CHRNB1: variants seen among roughly 807,000 people sequenced by gnomAD.
CHRNB1 encodes cholinergic receptor nicotinic beta 1 subunit.
A neutral mutation model predicts 53.8 loss-of-function variants in CHRNB1; 47 were observed. That is an observed-to-expected ratio of 0.87 (90% CI 0.69 to 1.11). The LOEUF (loss-of-function observed/expected upper bound fraction) is 1.11, where lower values mean the gene tolerates loss of function less well. Among genes scored for constraint, CHRNB1 ranks in the 50% most tolerant of loss-of-function variants. The pLI is 0.00. For synonymous variants in CHRNB1, 259 were observed against 263.5 expected, an observed-to-expected ratio of 0.98 and a Z score of 0.16; for missense variants, 605 against 654.9, an observed-to-expected ratio of 0.92 and a Z score of 0.83.
intron 7 of CHRNB1, 43 bp downstream of exon 7, chr17:7,448,831 G>C (rs963581534): frequency 5.7e-6 from 9 of 1,588,970 alleles, no homozygotes; most frequent in Non-Finnish European, 7.8e-6. Context: ...CATTGGCTCA[G>C]CTTCTTACTC....
rs1466015135 is a variant in CHRNB1, at chr17:7,454,259, C to A, written c.821-38C>A. 3.3e-6 allele frequency: 5 copies of A among 1,530,384 alleles called. No individual in the cohort carries two copies. The East Asian group carries it at 6.7e-5, about 21-fold the overall frequency. 94.8% of individuals were successfully genotyped at this position (1,530,384 alleles called of 1,614,324 possible). On this transcript the variant is annotated intron_variant, in intron 7 of 10. Coordinates refer to ENST00000306071, the MANE Select transcript of CHRNB1 (RefSeq NM_000747.3). ...TTATGCCATAGAGCTTTCCTTCAGG[C>A]AAGTCTAATCCTTCTCTCTTCCCCT...
Position 7,445,280 on chromosome 17 carries a change from C to A in CHRNB1, c.69C>A (p.Gly23=), listed in dbSNP as rs1320159736. The A allele has an allele frequency of 6.2e-7, 1 of 1,612,806 alleles. No individual in the cohort carries two copies. Among genetic ancestry groups the A allele is most frequent in the Non-Finnish European group, 8.5e-7 (1 of 1,179,740 alleles). Residue 23 remains glycine, a synonymous_variant, in exon 2 of 11, where the codon GGC becomes GGA. Transcript: ENST00000306071. This position sits in a 1 kb window ranked among gnomAD's most constrained non-coding sequence, Gnocchi z 5.7. ...LGAPLAPGVR[G]SEAEGRLREK... ...TCTCTCCTCCCCCAGGCGTCCGCGGCTCGGAGGCGGAGGGTCGACTCCGGG... is the reference window on the plus strand; with the variant it reads ...TCTCTCCTCCCCCAGGCGTCCGCGGATCGGAGGCGGAGGGTCGACTCCGGG...
chr17:7,456,216 G>A (rs1399417135), intron 10 of CHRNB1, among the ~76,000 whole-genome samples: 3 of 151,916 alleles, frequency 2.0e-5, no homozygotes, highest in Non-Finnish European at 2.9e-5. Flanking sequence ...ACCACGCCTG[G>A]CTAATTTTTG....
intron 8 of CHRNB1, 84 bp downstream of exon 8, chr17:7,454,604 T>A: frequency 9.1e-7 from 1 of 1,098,684 alleles, no homozygotes; most frequent in South Asian, 1.3e-5. Flanking sequence ...AGTGTTGAAG[T>A]GTCCAAGCTT....
intron 7 of CHRNB1, among the ~76,000 whole-genome samples, chr17:7,453,019 G>A (rs944123219): frequency 3.3e-5 from 5 of 152,194 alleles, no homozygotes; most frequent in African/African-American, 1.2e-4. Flanking sequence ...GTGAGAGTCT[G>A]TCTAAAAATA....
chr17:7,446,205 G>T (rs2150837558), intron 3 of CHRNB1, 92 bp downstream of exon 3: 1 of 1,116,410 alleles, frequency 9.0e-7, no homozygotes, highest in South Asian at 1.3e-5. Flanking sequence ...TTTACATCAT[G>T]ACTTTAGATA....
chr17:7,454,519 A>G lies in CHRNB1; in HGVS notation c.1043A>G (p.Gln348Arg). Residue 348 changes from glutamine (Q) to arginine (R), a missense_variant and splice_region_variant, in exon 8 of 11, where the codon CAG (glutamine) becomes CGG (arginine). Physicochemically the swap from Gln to Arg is conservative, Grantham distance 43. Transcript: ENST00000306071. ...HTHQMPLWVR[Q>R]IFIHKLPLYL... is the part of the protein sequence containing the mutation. ...CACCAAATGCCCCTTTGGGTCCGTC[A>G]GGTAAGAAAGATCTCCTCCTCCAAC... 6.2e-7 allele frequency: 1 copy of G among 1,613,606 alleles called. No individual in the cohort carries two copies. Among genetic ancestry groups the G allele is most frequent in the Non-Finnish European group, 8.5e-7 (1 of 1,179,542 alleles).
rs745838344 is a variant in CHRNB1 at position 7,446,878 on chromosome 17, G to A, written c.289G>A (p.Gly97Ser). 6.8e-6 allele frequency: 11 copies of A among 1,614,036 alleles called. No homozygotes were observed. Among genetic ancestry groups the A allele is most frequent in the Non-Finnish European group, 8.5e-6 (10 of 1,180,026 alleles). Residue 97 changes from glycine to serine, a missense_variant, in exon 4 of 11, where the codon GGC becomes AGC. By Grantham distance (56) the Gly-to-Ser change is moderately conservative (BLOSUM62 0). Transcript: ENST00000306071. ...GAGCTGGGACCCTGCGGAGCACGACGGCATCGATTCGCTCCGCATCACGGC... is the reference window on the plus strand; with the variant it reads ...GAGCTGGGACCCTGCGGAGCACGACAGCATCGATTCGCTCCGCATCACGGC... ...RLSWDPAEHD[G>S]IDSLRITAES...
chr17:7,455,588 C>A lies in CHRNB1; in HGVS notation c.1217+132C>A, dbSNP rs142367311. The A allele has an allele frequency of 2.6e-4, 337 of 1,279,772 alleles. 4 individuals are homozygous for A. In the East Asian group the frequency reaches 6.2e-3, roughly 24 times the overall value. The allele number at this position is 1,279,772 out of a possible 1,614,324, so 79.3% of individuals were successfully genotyped here. A position where few individuals can be genotyped will look rare whatever the true frequency, so the allele number is the denominator to read the frequency against. On this transcript the variant is annotated intron_variant, in intron 9 of 10. Transcript: ENST00000306071. ...CATCATGGGAGTTGTAGTACTCCTG[C>A]TGCTCACTTTGAGGGGAGGTGGGAA...
chr17:7,446,438 C>T (rs779487092), intron 3 of CHRNB1: 3 of 526,728 alleles, frequency 5.7e-6, no homozygotes, highest in Non-Finnish European at 6.8e-6. Context: ...CCACCAGCCT[C>T]GGGGGGAACC....
intron 3 of CHRNB1, 119 bp from the exon 4 acceptor site, chr17:7,446,714 C>A: frequency 2.6e-6 from 2 of 761,148 alleles, no homozygotes; most frequent in East Asian, 2.7e-5. Flanking sequence ...GCCCCTTGAC[C>A]CACAGTTTAT....
At position 7,447,628 on chromosome 17, in the gene CHRNB1, C is replaced by G. The variant is rs1273988481; in HGVS notation, c.588C>G (p.His196Gln). 4 of 1,614,222 alleles carry G rather than the reference C, an allele frequency of 2.5e-6. No homozygotes were observed. The highest frequency in any genetic ancestry group is 3.4e-6 in the Non-Finnish European group (4 of 1,180,050). The stretch of plus-strand genomic sequence containing the variant: ...ACGGGCAAGGGCATCAGGAAATCCA[C>G]ATTCATGAAGGGACTTTCATTGGTG... ...GPDGQGHQEI[H>Q]IHEGTFIENG... Residue 196 changes from histidine (H) to glutamine (Q), a missense_variant, in exon 6 of 11, where the codon CAC becomes CAG. Physicochemically the swap from His to Gln is conservative, Grantham distance 24. Coordinates refer to ENST00000306071, the MANE Select transcript of CHRNB1 (RefSeq NM_000747.3).
intron 8 of CHRNB1, among the ~76,000 whole-genome samples, chr17:7,454,791 T>G (rs1909013377): frequency 1.5e-5 from 2 of 136,320 alleles, no homozygotes; most frequent in Admixed American, 7.8e-5. Flanking sequence ...ACCCACTAAA[T>G]AGCTTTTTTT....
Position 7,455,295 on chromosome 17 carries a change from C to A in CHRNB1, c.1056C>A (p.His352Gln). Residue 352 changes from histidine to glutamine, a missense_variant, in exon 9 of 11, where the codon CAC becomes CAA. Physicochemically the swap from His to Gln is conservative, Grantham distance 24 (BLOSUM62 0). Transcript: ENST00000306071. ...CTTCTACTCTGCAGATCTTCATTCA[C>A]AAACTTCCGCTGTACCTGCGTCTAA... ...MPLWVRQIFIHKLPLYLRLKR... is the reference protein window; with the variant it reads ...MPLWVRQIFIQKLPLYLRLKR... 6.2e-7 allele frequency: 1 copy of A among 1,614,108 alleles called. No individual in the cohort carries two copies. Among genetic ancestry groups the A allele is most frequent in the Non-Finnish European group, 8.5e-7 (1 of 1,179,998 alleles).
intron 3 of CHRNB1, chr17:7,446,577 G>A (rs1908640073): frequency 5.3e-6 from 3 of 568,962 alleles, no homozygotes; most frequent in African/African-American, 1.9e-5. Context: ...TTTGAAAACC[G>A]TTTTAGAGGC....
intron 5 of CHRNB1, 72 bp from the exon 6 acceptor site, chr17:7,447,431 C>T: frequency 6.3e-7 from 1 of 1,582,856 alleles, no homozygotes; most frequent in Non-Finnish European, 8.7e-7. Context: ...TGTGCCCTCC[C>T]CAAAGACCTC....
At chr17:7,449,030 T>A (rs1908778191) in intron 7 of CHRNB1, among the ~76,000 whole-genome samples, 1 of 151,638 alleles carries the variant, frequency 6.6e-6, no homozygotes, top group Non-Finnish European at 1.5e-5. Flanking sequence ...ACCACAAACC[T>A]CCAGGCTTAG....
At position 7,454,410 on chromosome 17, in the gene CHRNB1, C is replaced by A; in HGVS notation, c.934C>A (p.Leu312Ile). Residue 312 changes from leucine to isoleucine, a missense_variant, in exon 8 of 11, where the codon CTC becomes ATC. Physicochemically the swap from Leu to Ile is conservative, Grantham distance 5. Transcript: ENST00000306071. ...SLSVPIIIKYLMFTMVLVTFS... is the reference protein window; with the variant it reads ...SLSVPIIIKYIMFTMVLVTFS... ...ATCAGTACCCATTATTATCAAGTAC[C>A]TCATGTTTACCATGGTCCTCGTCAC... 1 of 1,614,092 alleles carries A rather than the reference C, an allele frequency of 6.2e-7. No homozygotes were observed. Among genetic ancestry groups the A allele is most frequent in the Non-Finnish European group, 8.5e-7 (1 of 1,179,988 alleles).
At chr17:7,453,413 C>T (rs774871029) in intron 7 of CHRNB1, among the ~76,000 whole-genome samples, 1 of 152,080 alleles carries the variant, frequency 6.6e-6, no homozygotes, top group Non-Finnish European at 1.5e-5. Flanking sequence ...GCCACTGTAC[C>T]CGGCTCAGTT....
Sources: allele counts gnomAD v4.1 joint callset (sites outside exome capture counted in the v4.1 genomes callset), GRCh38; gene constraint gnomAD v4.1.1; non-coding constraint Gnocchi (gnomAD v3.1); transcripts MANE v1.5; gene names NCBI Gene and HGNC (gene_info 2026-07-23, HGNC 2026-07-21).